The following SPATA13 variants were observed in gnomAD, a reference collection of about 807,000 sequenced individuals.
The protein encoded by SPATA13 is spermatogenesis-associated protein 13.
SPATA13 carries 50 observed loss-of-function variants against 104.0 expected under a neutral mutation model. That is an observed-to-expected ratio of 0.48 (90% CI 0.38 to 0.61). The LOEUF (loss-of-function observed/expected upper bound fraction) is 0.61. Among genes scored for constraint, SPATA13 ranks in the 20% least tolerant of loss-of-function variants. SPATA13 has a pLI of 0.00. For synonymous variants in SPATA13, 606 were observed against 667.5 expected, an observed-to-expected ratio of 0.91 and a Z score of 1.42; for missense variants, 1,524 against 1,690.6, an observed-to-expected ratio of 0.90 and a Z score of 1.73.
chr13:24,113,868 C>CAAAAA (rs958434459), intron 3 of SPATA13, among the ~76,000 whole-genome samples: 118 of 55,164 alleles, frequency 2.1e-3, no homozygotes, highest in Non-Finnish European at 2.9e-3. Flanking sequence ...GACTCGATCT[C>CAAAAA]AAAAAAAAAA....
chr13:24,210,616 C>T (rs1231531170), intron 1 of SPATA13, among the ~76,000 whole-genome samples: 3 of 151,794 alleles, frequency 2.0e-5, no homozygotes, highest in Non-Finnish European at 4.4e-5. Context: ...GTCTATGTGT[C>T]TGTTTTTATA....
At chr13:24,130,188 T>C (rs1333844754) in intron 3 of SPATA13, among the ~76,000 whole-genome samples, 1 of 152,184 alleles carries the variant, frequency 6.6e-6, no homozygotes, top group Non-Finnish European at 1.5e-5. Context: ...AAGGGAATCA[T>C]TCAGGGCAGT....
intron 3 of SPATA13, among the ~76,000 whole-genome samples, chr13:24,052,820 T>A (rs1361808920): frequency 1.5e-3 from 4 of 2,584 alleles, no homozygotes; most frequent in Non-Finnish European, 2.6e-3. Flanking sequence ...CACTTCCCCC[T>A]GCCGCCAGGG....
intron 3 of SPATA13, among the ~76,000 whole-genome samples, chr13:24,083,365 G>A (rs1010487416): frequency 6.6e-6 from 1 of 152,218 alleles, no homozygotes; most frequent in Non-Finnish European, 1.5e-5. Flanking sequence ...TACCCCATGG[G>A]CAGGTAAGGA....
chr13:24,066,923 C>G (rs9553155), intron 3 of SPATA13, among the ~76,000 whole-genome samples: 67,470 of 152,012 alleles, frequency 0.44, 15,195 homozygotes, highest in Middle Eastern at 0.52. Flanking sequence ...CCAAACCAAG[C>G]AGAGGCCTGG....
intron 1 of SPATA13, among the ~76,000 whole-genome samples, chr13:24,175,223 G>T (rs1337429473): frequency 7.2e-6 from 1 of 137,938 alleles, no homozygotes; most frequent in Admixed American, 7.3e-5. Context: ...AGTGATGCTT[G>T]TTTTTTTGTT....
intron 1 of SPATA13, among the ~76,000 whole-genome samples, chr13:24,173,499 C>G (rs377038701): frequency 1.4e-5 from 2 of 147,140 alleles, no homozygotes; most frequent in South Asian, 2.2e-4. Context: ...TTTATTCCCC[C>G]CCGTCCCCCA....
At chr13:24,256,893 T>G (rs1873817797) in intron 4 of SPATA13, among the ~76,000 whole-genome samples, 1 of 152,252 alleles carries the variant, frequency 6.6e-6, no homozygotes, top group Non-Finnish European at 1.5e-5. Flanking sequence ...GGATGGTGTT[T>G]GTGGCTTCAC....
intron 3 of SPATA13, 143 bp from the exon 4 acceptor site, chr13:24,251,575 T>C (rs1873483082): frequency 1.3e-6 from 2 of 1,498,504 alleles, no homozygotes; most frequent in Non-Finnish European, 1.8e-6. Flanking sequence ...TGGGCTTCGG[T>C]GCAGCCTGCA....
intron 3 of SPATA13, among the ~76,000 whole-genome samples, chr13:24,101,879 C>T (rs967845715): frequency 6.6e-5 from 10 of 152,148 alleles, no homozygotes; most frequent in African/African-American, 2.4e-4. Flanking sequence ...GCCCATTGGT[C>T]CATTGATGGA....
chr13:24,259,824 G>T (rs191990571), intron 4 of SPATA13, among the ~76,000 whole-genome samples: 115 of 152,112 alleles, frequency 7.6e-4, no homozygotes, highest in Admixed American at 2.6e-3. Context: ...TATTATTTTA[G>T]ATTTTCTTTA....
At chr13:24,146,239 A>G (rs1181915136) in intron 3 of SPATA13, among the ~76,000 whole-genome samples, 1 of 152,234 alleles carries the variant, frequency 6.6e-6, no homozygotes, top group Non-Finnish European at 1.5e-5. Context: ...TAATTCATAG[A>G]TCAGCTTCAG....
intron 1 of SPATA13, among the ~76,000 whole-genome samples, chr13:24,185,152 C>T (rs1869068259): frequency 6.6e-6 from 1 of 152,152 alleles, no homozygotes; most frequent in Admixed American, 6.5e-5. Flanking sequence ...AATCATAAGC[C>T]CTGAAGTTCC....
At chr13:23,987,846 G>A (rs200425368) in intron 2 of SPATA13, among the ~76,000 whole-genome samples, 5 of 152,036 alleles carry the variant, frequency 3.3e-5, no homozygotes, top group East Asian at 3.8e-4. Flanking sequence ...TCTTACAAGC[G>A]GATTCTATAG....
intron 3 of SPATA13, among the ~76,000 whole-genome samples, chr13:24,061,443 A>C (rs892822635): frequency 2.0e-5 from 3 of 152,224 alleles, no homozygotes; most frequent in African/African-American, 7.2e-5. Flanking sequence ...GCTGTTCAAC[A>C]ATAGCAGAGA....
At position 24,286,167 on chromosome 13, in the gene SPATA13, C is replaced by T. The variant is rs148490748; in HGVS notation, c.2302-47C>T. On this transcript the variant is annotated intron_variant, in intron 5 of 12. Coordinates refer to ENST00000382108, the MANE Select transcript of SPATA13 (RefSeq NM_001166271.3). The surrounding 1 kb of genome is among the most constrained non-coding windows in gnomAD (Gnocchi z 4.9). The stretch of plus-strand genomic sequence containing the variant: ...GCACCTAGTGGCTCCCTCACCATCC[C>T]GCCCACTCGTGCTCTATGCTGAGCG... The T allele has an allele frequency of 8.9e-5, 136 of 1,533,758 alleles. No homozygotes were observed. In the African/African-American group the frequency reaches 1.4e-3, roughly 16 times the overall value.
chr13:24,045,056 C>T (rs150558473), intron 3 of SPATA13, among the ~76,000 whole-genome samples: 1,594 of 152,184 alleles, frequency 0.01, 20 homozygotes, highest in Admixed American at 0.015. Flanking sequence ...AAATCCAGGG[C>T]GGCGGAGTTT....
intron 3 of SPATA13, 67 bp from the exon 4 acceptor site, chr13:24,251,651 G>A (rs780779298): frequency 5.0e-6 from 8 of 1,591,246 alleles, no homozygotes; most frequent in East Asian, 4.5e-5. Flanking sequence ...AGCGCTATGC[G>A]TGTGAGGTGC....
At chr13:24,190,312 A>T (rs1382959080) in intron 1 of SPATA13, among the ~76,000 whole-genome samples, 10 of 4,436 alleles carry the variant, frequency 2.3e-3, no homozygotes, top group African/African-American at 2.5e-3. Flanking sequence ...ATTATATATA[A>T]TATATAATAT....
Sources: gnomAD v4.1 joint callset for allele counts (sites outside exome capture counted in the v4.1 genomes callset) on GRCh38, gnomAD v4.1.1 for gene constraint, Gnocchi (gnomAD v3.1) non-coding constraint, MANE v1.5 for transcripts, NCBI Gene and HGNC (gene_info 2026-07-23, HGNC 2026-07-21) for gene names.